The following IFRD1 variants were observed in gnomAD, a reference collection of about 807,000 sequenced individuals.
IFRD1 encodes interferon related developmental regulator 1, also known as interferon-related developmental regulator 1.
A neutral mutation model predicts 52.9 loss-of-function variants in IFRD1; 35 were observed. The ratio of observed to expected loss-of-function variants is 0.66; its 90% CI spans 0.51 to 0.88. The LOEUF (loss-of-function observed/expected upper bound fraction) is 0.88, where lower values mean the gene tolerates loss of function less well. Among genes scored for constraint, IFRD1 ranks in the 40% least tolerant of loss-of-function variants. The pLI is 0.00. For synonymous variants in IFRD1, 184 were observed against 188.4 expected, an observed-to-expected ratio of 0.98 and a Z score of 0.19; for missense variants, 517 against 550.8, an observed-to-expected ratio of 0.94 and a Z score of 0.61.
At chr7:112,447,962 G>A (rs1200355000), upstream of IFRD1, among the ~76,000 whole-genome samples, 1 of 151,956 alleles carries the variant, frequency 6.6e-6, no homozygotes, top group Non-Finnish European at 1.5e-5. Context: ...TGATACATAA[G>A]TTTCTCCCTT....
At chr7:112,448,920 C>T (rs1183642694), upstream of IFRD1, among the ~76,000 whole-genome samples, 1 of 152,194 alleles carries the variant, frequency 6.6e-6, no homozygotes, top group South Asian at 2.1e-4. Context: ...GAGAAGAGAG[C>T]CGTGTATTGG....
chr7:112,438,379 A>G (rs933736318), intron 1 of IFRD1, among the ~76,000 whole-genome samples: 3 of 152,230 alleles, frequency 2.0e-5, no homozygotes, highest in Non-Finnish European at 2.9e-5. Context: ...GCACTGAAGC[A>G]TTGTGCATAC....
rs376922990 is a variant in IFRD1, at chr7:112,462,244, C to T, written c.798-26C>T. 8.1e-6 allele frequency: 13 copies of T among 1,604,858 alleles called. No homozygotes were observed. In the African/African-American group the frequency reaches 1.5e-4, roughly 18 times the overall value. ...TAGTGGACATAATTGGTTGTATTCACATAGTAATGACTAACTATTTTTTAG... is the reference window on the plus strand; with the variant it reads ...TAGTGGACATAATTGGTTGTATTCATATAGTAATGACTAACTATTTTTTAG... On this transcript the variant is annotated intron_variant, in intron 7 of 11. Coordinates refer to ENST00000403825, the MANE Select transcript of IFRD1 (RefSeq NM_001550.4).
At chr7:112,451,877 C>G (rs748548790) in intron 1 of IFRD1, among the ~76,000 whole-genome samples, 17 of 152,122 alleles carry the variant, frequency 1.1e-4, no homozygotes, top group Non-Finnish European at 2.1e-4. Context: ...GGCTGCCACT[C>G]AGAATGATAT....
At chr7:112,440,402 T>C (rs1200785136) in intron 1 of IFRD1, among the ~76,000 whole-genome samples, 1 of 152,246 alleles carries the variant, frequency 6.6e-6, no homozygotes, top group Non-Finnish European at 1.5e-5. Flanking sequence ...TCTCTCTTGA[T>C]TTTAATAAAA....
At chr7:112,424,728 T>G (rs1327553290) in intron 1 of IFRD1, among the ~76,000 whole-genome samples, 1 of 152,120 alleles carries the variant, frequency 6.6e-6, no homozygotes, top group East Asian at 1.9e-4. Flanking sequence ...TTCAAAAAAT[T>G]TTTTAATTTC....
chr7:112,435,333 G>T (rs1794648961), intron 1 of IFRD1: 1 of 152,160 alleles, frequency 6.6e-6, no homozygotes, highest in African/African-American at 2.4e-5. Flanking sequence ...AGACAGTGAA[G>T]ATTCCCAGGA....
chr7:112,464,735 C>CT (rs1012628366), intron 8 of IFRD1, among the ~76,000 whole-genome samples: 107 of 152,298 alleles, frequency 7.0e-4, no homozygotes, highest in African/African-American at 2.4e-3. Context: ...GGAGCCATTG[C>CT]TGGTGCAATC....
intron 1 of IFRD1, among the ~76,000 whole-genome samples, chr7:112,428,799 T>A (rs1794485309): frequency 6.6e-6 from 1 of 152,174 alleles, no homozygotes; most frequent in Non-Finnish European, 1.5e-5. Flanking sequence ...TGGTATTAGC[T>A]TCAGACACAC....
At chr7:112,469,498 C>T (rs1157069433) in intron 9 of IFRD1, among the ~76,000 whole-genome samples, 2 of 152,146 alleles carry the variant, frequency 1.3e-5, no homozygotes, top group Non-Finnish European at 2.9e-5. Context: ...ATTAGTGTGG[C>T]AGTATCTCTA....
chr7:112,468,612 C>T (rs1312692068), intron 9 of IFRD1, among the ~76,000 whole-genome samples: 1 of 152,152 alleles, frequency 6.6e-6, no homozygotes, highest in Non-Finnish European at 1.5e-5. Flanking sequence ...TAATTCTTTG[C>T]CTCAGCCTCC....
chr7:112,423,717 A>G (rs1233076481), intron 1 of IFRD1, among the ~76,000 whole-genome samples: 1 of 152,178 alleles, frequency 6.6e-6, no homozygotes, highest in Non-Finnish European at 1.5e-5. Flanking sequence ...CTTGGTAGAA[A>G]ATCAAAGTAG....
chr7:112,467,151 A>T (rs1295584950), intron 8 of IFRD1, among the ~76,000 whole-genome samples: 1 of 152,198 alleles, frequency 6.6e-6, no homozygotes, highest in Non-Finnish European at 1.5e-5. Context: ...AAGAGCTGTT[A>T]TATTAATATA....
chr7:112,462,060 G>T lies in IFRD1; in HGVS notation c.678G>T (p.Glu226Asp). ...ENIFTKSYLK[E>D]KDTTVICSTP... is the part of the protein sequence containing the mutation. ...TCTTCACTAAATCCTATCTCAAAGA[G>T]AAAGACACTACTGTTATTTGCAGCA... Residue 226 changes from glutamate (E) to aspartate (D), a missense_variant, in exon 7 of 12, where the codon GAG (glutamate) becomes GAT (aspartate). Glu to Asp is a conservative substitution (Grantham distance 45). Transcript: ENST00000403825. 6.2e-7 allele frequency: 1 copy of T among 1,613,454 alleles called. No homozygotes were observed. The highest frequency in any genetic ancestry group is 1.1e-5 in the South Asian group (1 of 91,068).
upstream of IFRD1, among the ~76,000 whole-genome samples, chr7:112,447,358 G>T (rs1323464563): frequency 6.6e-6 from 1 of 152,170 alleles, no homozygotes; most frequent in East Asian, 1.9e-4. Flanking sequence ...ACAAATATGT[G>T]ATATTTATTT....
chr7:112,451,577 G>T (rs1795167150), intron 1 of IFRD1, among the ~76,000 whole-genome samples: 2 of 152,164 alleles, frequency 1.3e-5, no homozygotes, highest in African/African-American at 4.8e-5. Flanking sequence ...AAAAGTTGAG[G>T]TTATTGTGCC....
In IFRD1 at chr7:112,435,920, T is replaced by C. The variant is rs149478077; in HGVS notation, c.-182+12488T>C. ...GTTTTTTGAACAGAGTCTTGCTCTG[T>C]TGCCCAGGCTGGAGTGCAATGGCAT... On this transcript the variant is annotated intron_variant, in intron 1 of 12. Transcript: ENST00000005558. Among the ~76,000 whole-genome samples, 859 of 151,928 alleles carry C rather than the reference T, an allele frequency of 5.7e-3. 11 individuals are homozygous for C. Among genetic ancestry groups the C allele is most frequent in the African/African-American group, 0.019 (787 of 41,412 alleles).
chr7:112,462,195 T>C lies in IFRD1; in HGVS notation c.797+16T>C, dbSNP rs747383239. The C allele has an allele frequency of 6.2e-7, 1 of 1,613,174 alleles. No homozygotes were observed. Among genetic ancestry groups the C allele is most frequent in the East Asian group, 2.2e-5 (1 of 44,864 alleles). On this transcript the variant is annotated intron_variant, in intron 7 of 11. Transcript: ENST00000403825. ...AGCTTGAGATGTATGTATTTTTAGTTTCATATTTTATAAAAGCAACATTTA... is the reference window on the plus strand; with the variant it reads ...AGCTTGAGATGTATGTATTTTTAGTCTCATATTTTATAAAAGCAACATTTA...
chr7:112,455,811 T>C lies in IFRD1; in HGVS notation c.143T>C (p.Ile48Thr). The change falls in exon 2 of 12, where the codon ATT becomes ACT. Residue 48 changes from isoleucine to threonine, a missense_variant. Ile to Thr is a moderately conservative substitution (Grantham distance 89). Coordinates refer to ENST00000403825, the MANE Select transcript of IFRD1 (RefSeq NM_001550.4). ...VQPFSDEDAS[I>T]ETMSHCSGYS... ...CCTTTTAGTGATGAAGATGCATCAA[T>C]TGAAACAATGAGCCATTGCAGTGGT... 2 of 1,613,656 alleles carry C rather than the reference T, an allele frequency of 1.2e-6. No homozygotes were observed. Among genetic ancestry groups the C allele is most frequent in the East Asian group, 4.5e-5 (2 of 44,856 alleles).
Sources: allele counts gnomAD v4.1 joint callset (sites outside exome capture counted in the v4.1 genomes callset), GRCh38; gene constraint gnomAD v4.1.1; transcripts MANE v1.5; gene names NCBI Gene and HGNC (gene_info 2026-07-23, HGNC 2026-07-21).